Variants in ARAP2 observed in about 807,000 individuals in gnomAD.
ARAP2 encodes ArfGAP with RhoGAP domain, ankyrin repeat and PH domain 2.
A neutral mutation model predicts 194.5 loss-of-function variants in ARAP2; 148 were observed. That is an observed-to-expected ratio of 0.76 (90% CI 0.67 to 0.87). The LOEUF (loss-of-function observed/expected upper bound fraction) is 0.87. Ranked by LOEUF, ARAP2 falls within the 40% of genes least tolerant of loss-of-function variation. The pLI, the probability that ARAP2 is intolerant of heterozygous loss-of-function variation, is 0.00. For synonymous variants in ARAP2, 695 were observed against 683.5 expected (o/e 1.02, Z -0.26); for missense variants, 2,128 against 1,989.7 (o/e 1.07, Z -1.32).
At chr4:36,042,992 A>T (rs574170692) in intron 5 of ARAP2, among the ~76,000 whole-genome samples, 2 of 151,938 alleles carry the variant, frequency 1.3e-5, no homozygotes, top group Non-Finnish European at 2.9e-5. Flanking sequence ...ACAGGTGCCC[A>T]CTACCATGCC....
intron 6 of ARAP2, among the ~76,000 whole-genome samples, chr4:36,201,757 C>T (rs1454878552): frequency 1.3e-5 from 2 of 151,744 alleles, no homozygotes; most frequent in African/African-American, 4.8e-5. Context: ...CACACAGAGG[C>T]ACTCTTGTTT....
At chr4:36,136,783 ATGTGTG>A (rs772565955) in intron 19 of ARAP2, among the ~76,000 whole-genome samples, 183 of 143,900 alleles carry the variant, frequency 1.3e-3, no homozygotes, top group African/African-American at 4.0e-3. Flanking sequence ...AATCAAATAT[ATGTGTG>A]TGTGTGTGTG....
In ARAP2 at chr4:36,125,883, T is replaced by A. The variant is rs73806489; in HGVS notation, c.3641-916A>T. On this transcript the variant is annotated intron_variant, in intron 21 of 32. Transcript: ENST00000303965. ...CAACTATCTTTGGAAACAAGACGAT[T>A]TTATTTCTTGCTTAGCCTTACCTCT... 5.3e-3 allele frequency among the ~76,000 whole-genome samples: 809 copies of A among 152,144 alleles called. 11 individuals are homozygous for A. The highest frequency in any genetic ancestry group is 0.018 in the African/African-American group (762 of 41,562).
chr4:36,051,798 G>A (rs1223593216), intron 3 of ARAP2, among the ~76,000 whole-genome samples: 1 of 152,146 alleles, frequency 6.6e-6, no homozygotes, highest in Non-Finnish European at 1.5e-5. Context: ...GGTACAATGA[G>A]CTTAACTATT....
At chr4:36,156,546 T>C (rs1732589536) in intron 15 of ARAP2, among the ~76,000 whole-genome samples, 1 of 151,784 alleles carries the variant, frequency 6.6e-6, no homozygotes, top group Non-Finnish European at 1.5e-5. Context: ...AAGATAAGCC[T>C]CTTTTTTGGA....
chr4:36,063,369 A>C (rs559849766), downstream of ARAP2, among the ~76,000 whole-genome samples: 31 of 152,170 alleles, frequency 2.0e-4, no homozygotes, highest in African/African-American at 7.5e-4. Flanking sequence ...ATGACAAGTT[A>C]ATGGGTGCAG....
In ARAP2 at chr4:36,163,461, G is replaced by C. The variant is rs1734557363; in HGVS notation, c.2173+1453C>G. On this transcript the variant is annotated intron_variant, in intron 11 of 32. Coordinates refer to ENST00000303965, the MANE Select transcript of ARAP2 (RefSeq NM_015230.4). The stretch of plus-strand genomic sequence containing the variant: ...GATTTTTACCACAGTTGAGAGAAAA[G>C]GTAGCTCATCAGCAGTTAAAAGGTA... Among the ~76,000 whole-genome samples, 11 of 152,176 alleles carry C rather than the reference G, an allele frequency of 7.2e-5. No homozygotes were observed. In the South Asian group the frequency reaches 2.1e-3, roughly 29 times the overall value.
At chr4:36,022,120 G>A (rs1480282717) in intron 5 of ARAP2, among the ~76,000 whole-genome samples, 2 of 152,140 alleles carry the variant, frequency 1.3e-5, no homozygotes, top group Non-Finnish European at 2.9e-5. Context: ...GGTCTCATGG[G>A]ACCATCGTAG....
intron 5 of ARAP2, among the ~76,000 whole-genome samples, chr4:36,037,425 C>T (rs1428150791): frequency 6.6e-6 from 1 of 152,084 alleles, no homozygotes; most frequent in East Asian, 1.9e-4. Flanking sequence ...GCATGTACTC[C>T]CCCTAGTCTT....
chr4:36,213,203 T>C, intron 4 of ARAP2, 40 bp downstream of exon 4: 2 of 1,393,196 alleles, frequency 1.4e-6, no homozygotes, highest in Non-Finnish European at 2.0e-6. Context: ...GAAAAGCAAA[T>C]AATTGATTAT....
At chr4:36,069,274 G>A (rs1239225409) in intron 32 of ARAP2, among the ~76,000 whole-genome samples, 2 of 151,894 alleles carry the variant, frequency 1.3e-5, no homozygotes, top group Non-Finnish European at 2.9e-5. Context: ...GGAATTTTCT[G>A]GTAAGATTCT....
chr4:36,125,060 A>T, intron 21 of ARAP2, 93 bp from the exon 22 acceptor site: 1 of 726,702 alleles, frequency 1.4e-6, no homozygotes, highest in East Asian at 2.7e-5. Context: ...GTCACAAACA[A>T]ATGCATTTTA....
intron 28 of ARAP2, among the ~76,000 whole-genome samples, chr4:36,091,089 G>A (rs28564491): frequency 0.044 from 6,706 of 152,030 alleles, 170 homozygotes; most frequent in Non-Finnish European, 0.053. Flanking sequence ...TATTAGCTCC[G>A]TGAATTTTAA....
In ARAP2 at chr4:36,082,671, G is replaced by A. The variant is rs563892251; in HGVS notation, c.4509-385C>T. Reference sequence around the variant, plus strand: ...TATATGCTCTAGGCTTAGAAACTGAGTATGAAGGCAAAAGTGAAGAAATTT... The same window carrying A: ...TATATGCTCTAGGCTTAGAAACTGAATATGAAGGCAAAAGTGAAGAAATTT... On this transcript the variant is annotated intron_variant, in intron 29 of 32. Coordinates refer to ENST00000303965, the MANE Select transcript of ARAP2 (RefSeq NM_015230.4). Among the ~76,000 whole-genome samples the A allele has an allele frequency of 4.2e-4, 64 of 152,242 alleles. 1 individual carries two copies. The South Asian group carries it at 8.1e-3, about 19-fold the overall frequency.
rs757278665 is a variant in ARAP2 at position 36,177,898 on chromosome 4, A to G, written c.1786T>C (p.Leu596=). The change falls in exon 9 of 33, where the codon TTG becomes CTG. Residue 596 remains leucine (L), a synonymous_variant. Coordinates refer to ENST00000303965, the MANE Select transcript of ARAP2 (RefSeq NM_015230.4). ...AAAATTTTTGCCTTATAGCCTCTCA[A>G]TTCAAGATATCCACATTTCTCAGGT... ...VTPEKCGYLE[L]RGYKAKIFTV... is the part of the protein sequence containing the mutation. 22 of 1,613,448 alleles carry G rather than the reference A, an allele frequency of 1.4e-5. No individual in the cohort carries two copies. In the East Asian group the frequency reaches 4.2e-4, roughly 31 times the overall value.
At chr4:36,014,459 A>G (rs1715418569) in intron 8 of ARAP2, among the ~76,000 whole-genome samples, 1 of 152,138 alleles carries the variant, frequency 6.6e-6, no homozygotes, top group South Asian at 2.1e-4. Flanking sequence ...CAAGGAAAAG[A>G]AATTGGGGTA....
chr4:36,091,273 G>C (rs988941556), intron 28 of ARAP2, among the ~76,000 whole-genome samples: 2 of 152,110 alleles, frequency 1.3e-5, no homozygotes, highest in Non-Finnish European at 2.9e-5. Context: ...TCTTCACAGA[G>C]ATGAGATTTT....
intron 2 of ARAP2, among the ~76,000 whole-genome samples, chr4:36,227,761 A>G (rs1462059794): frequency 6.6e-6 from 1 of 152,226 alleles, no homozygotes; most frequent in African/African-American, 2.4e-5. Flanking sequence ...ACAAGGGTTA[A>G]GTTTTAATGG....
intron 5 of ARAP2, among the ~76,000 whole-genome samples, chr4:36,211,103 C>A (rs1412154765): frequency 1.3e-5 from 2 of 152,088 alleles, no homozygotes; most frequent in African/African-American, 4.8e-5. Flanking sequence ...TCCCTCTGGG[C>A]AACATGACGG....
Sources: gnomAD v4.1 joint callset for allele counts (sites outside exome capture counted in the v4.1 genomes callset) on GRCh38, gnomAD v4.1.1 for gene constraint, MANE v1.5 for transcripts, NCBI Gene and HGNC (gene_info 2026-07-23, HGNC 2026-07-21) for gene names.